The following GLG1 variants were observed in gnomAD, a reference collection of about 807,000 sequenced individuals.
The protein encoded by GLG1 is golgi glycoprotein 1.
A neutral mutation model predicts 160.5 loss-of-function variants in GLG1; 38 were observed. The ratio of observed to expected loss-of-function variants is 0.24; its 90% CI spans 0.18 to 0.31. The LOEUF is 0.31. Ranked by LOEUF, GLG1 falls within the 10% of genes least tolerant of loss-of-function variation. GLG1 has a pLI of 1.00. For missense variants in GLG1, 1,373 were observed against 1,505.2 expected, an observed-to-expected ratio of 0.91 and a Z score of 1.45; for synonymous variants, 644 against 543.4, an observed-to-expected ratio of 1.19 and a Z score of -2.57.
intron 1 of GLG1, among the ~76,000 whole-genome samples, chr16:74,580,007 G>T (rs938638431): frequency 6.6e-6 from 1 of 152,068 alleles, no homozygotes; most frequent in African/African-American, 2.4e-5. Context: ...AGGTTGCAGT[G>T]AGCCAAGATC....
At chr16:74,493,338 T>TGG (rs1199572989) in intron 6 of GLG1, among the ~76,000 whole-genome samples, 198 bp from the exon 7 acceptor site, 1 of 152,224 alleles carries the variant, frequency 6.6e-6, no homozygotes, top group Non-Finnish European at 1.5e-5. Flanking sequence ...GGTAAGTGGG[T>TGG]GGGGAACCTA....
chr16:74,491,025 G>A lies in GLG1; in HGVS notation c.1425C>T (p.Asn475=). Residue 475 remains asparagine, a synonymous_variant, in exon 8 of 26, where the codon AAC becomes AAT. Transcript: ENST00000422840. ...LMKVVRGEKG[N]LGMNCQQALQ... ...CCGCCTGCTGGCAGTTCATTCCAAG[G>A]TTCCCCTTCTCCCCTCGAACTACTT... 4 of 1,613,780 alleles carry A rather than the reference G, an allele frequency of 2.5e-6. No homozygotes were observed. Among genetic ancestry groups the A allele is most frequent in the Non-Finnish European group, 3.4e-6 (4 of 1,179,674 alleles).
At chr16:74,459,627 G>T in intron 23 of GLG1, 55 bp downstream of exon 23, 1 of 897,202 alleles carries the variant, frequency 1.1e-6, no homozygotes, top group Non-Finnish European at 1.8e-6. Context: ...TTAAAAGGAA[G>T]AAGAGAAAAA....
chr16:74,567,820 G>A (rs1020625248), intron 1 of GLG1, among the ~76,000 whole-genome samples: 13 of 150,860 alleles, frequency 8.6e-5, no homozygotes, highest in East Asian at 3.9e-4. Flanking sequence ...CACCCGCCTC[G>A]GCCTCCCAAA....
chr16:74,478,532 T>C (rs2015474742), intron 11 of GLG1, among the ~76,000 whole-genome samples: 2 of 152,154 alleles, frequency 1.3e-5, no homozygotes, highest in Admixed American at 1.3e-4. Flanking sequence ...GGTTTCCTTT[T>C]GGAGTCATGG....
At chr16:74,468,114 T>C (rs1933449291) in intron 17 of GLG1, 2 of 319,334 alleles carry the variant, frequency 6.3e-6, no homozygotes, top group Non-Finnish European at 1.1e-5. Context: ...GATGTGAAAA[T>C]CACTTTGGAA....
intron 1 of GLG1, among the ~76,000 whole-genome samples, chr16:74,548,383 C>T (rs984422717): frequency 6.6e-6 from 1 of 152,200 alleles, no homozygotes; most frequent in Non-Finnish European, 1.5e-5. Flanking sequence ...GATCACAGAA[C>T]CTCTGTAGCC....
chr16:74,542,958 G>T (rs2017944237), intron 1 of GLG1, among the ~76,000 whole-genome samples: 1 of 151,988 alleles, frequency 6.6e-6, no homozygotes, highest in South Asian at 2.1e-4. Context: ...ACAAATGAGG[G>T]ATGTAAGATT....
At chr16:74,590,288 C>T (rs986872862) in intron 1 of GLG1, among the ~76,000 whole-genome samples, 4 of 151,978 alleles carry the variant, frequency 2.6e-5, no homozygotes, top group Non-Finnish European at 4.4e-5. Flanking sequence ...CGTGAGCCAC[C>T]GTGCCTAGCC....
At position 74,457,974 on chromosome 16, in the gene GLG1, C is replaced by T. The variant is rs1198053609; in HGVS notation, c.3165G>A (p.Lys1055=). Residue 1055 remains lysine (K), a synonymous_variant, in exon 24 of 26, where the codon AAG becomes AAA. Transcript: ENST00000422840. ...CAACAAAGATGTCTGCTTTGCTTTC[C>T]TTCAGCATGTTTAGCACTTCCTGGA... is the stretch of plus-strand genomic sequence containing the variant. ...LCKKEVLNML[K]ESKADIFVDP... The T allele has an allele frequency of 6.2e-7, 1 of 1,613,876 alleles. No individual in the cohort carries two copies. Among genetic ancestry groups the T allele is most frequent in the African/African-American group, 1.3e-5 (1 of 75,020 alleles).
At chr16:74,594,472 A>T (rs997924641) in intron 1 of GLG1, among the ~76,000 whole-genome samples, 1 of 152,216 alleles carries the variant, frequency 6.6e-6, no homozygotes, top group African/African-American at 2.4e-5. Context: ...CATTGTTTTT[A>T]GATTCCAGTC....
chr16:74,508,611 C>T (rs1357109623), intron 3 of GLG1, among the ~76,000 whole-genome samples: 1 of 152,044 alleles, frequency 6.6e-6, no homozygotes, highest in Non-Finnish European at 1.5e-5. Context: ...GTTTTGAGAC[C>T]AATAGAACCT....
At chr16:74,465,915 T>C (rs531100304) in intron 18 of GLG1, 102 bp from the exon 19 acceptor site, 3 of 983,542 alleles carry the variant, frequency 3.1e-6, no homozygotes, top group African/African-American at 3.2e-5. Context: ...CATTTCTTTA[T>C]CCATTTCTCA....
chr16:74,480,566 T>C (rs1456310876), intron 10 of GLG1, among the ~76,000 whole-genome samples, 172 bp from the exon 11 acceptor site: 3 of 152,016 alleles, frequency 2.0e-5, no homozygotes, highest in Non-Finnish European at 4.4e-5. Context: ...TTTTGTTTTT[T>C]TTTTTTGACA....
At chr16:74,564,484 T>C (rs1222095329) in intron 1 of GLG1, among the ~76,000 whole-genome samples, 5 of 152,206 alleles carry the variant, frequency 3.3e-5, no homozygotes, top group Admixed American at 3.3e-4. Context: ...AATGTTTGCA[T>C]GCAGCCATCT....
At chr16:74,521,927 C>A (rs1051942881) in intron 2 of GLG1, among the ~76,000 whole-genome samples, 1 of 152,154 alleles carries the variant, frequency 6.6e-6, no homozygotes, top group African/African-American at 2.4e-5. Flanking sequence ...ACGCTCTGGG[C>A]AGAGTTTCCA....
Position 74,506,007 on chromosome 16 carries a change from G to A in GLG1, c.559-2261C>T, listed in dbSNP as rs376884143. Among the ~76,000 whole-genome samples, 12 of 113,946 alleles carry A rather than the reference G, an allele frequency of 1.1e-4. No individual in the cohort carries two copies. In the East Asian group the frequency reaches 1.3e-3, roughly 12 times the overall value. The allele number at this position is 113,946 out of a possible 152,430, so 74.8% of individuals were successfully genotyped here. On this transcript the variant is annotated intron_variant, in intron 3 of 25. Transcript: ENST00000422840. ...ATTGCACCACTGCACTTCAGCCCCG[G>A]TGACAATGAGAGACTCCATCTTAAA...
chr16:74,480,478 G>T, intron 10 of GLG1, 84 bp from the exon 11 acceptor site: 1 of 878,650 alleles, frequency 1.1e-6, no homozygotes, highest in Non-Finnish European at 1.8e-6. Flanking sequence ...TGAGGTGTTT[G>T]CTTGTATACT....
intron 12 of GLG1, 116 bp downstream of exon 12, chr16:74,477,280 C>T (rs1434883910): frequency 1.2e-6 from 1 of 852,844 alleles, no homozygotes; most frequent in East Asian, 2.5e-5. Flanking sequence ...AACAATACAA[C>T]AAATCACATC....
Sources: gnomAD v4.1 joint callset for allele counts (sites outside exome capture counted in the v4.1 genomes callset) on GRCh38, gnomAD v4.1.1 for gene constraint, MANE v1.5 for transcripts, NCBI Gene and HGNC (gene_info 2026-07-23, HGNC 2026-07-21) for gene names.